Variants in GRM7 observed in about 807,000 individuals in gnomAD.
GRM7 encodes glutamate metabotropic receptor 7, also known as metabotropic glutamate receptor 7.
Under a neutral mutation model 84.5 loss-of-function variants are expected in GRM7, and 35 were observed. The ratio of observed to expected loss-of-function variants is 0.41; its 90% confidence interval spans 0.32 to 0.55. The LOEUF (loss-of-function observed/expected upper bound fraction) is 0.55, where lower values mean the gene tolerates loss of function less well. GRM7 is among the 20% of genes least tolerant of loss of function. The pLI is 0.19. For missense variants in GRM7, 1,003 were observed against 1,194.6 expected (o/e 0.84, Z 2.36); for synonymous variants, 487 against 455.1 (o/e 1.07, Z -0.89).
chr3:7,413,448 A>G (rs1696028356), intron 4 of GRM7, among the ~76,000 whole-genome samples: 1 of 152,212 alleles, frequency 6.6e-6, no homozygotes. Flanking sequence ...TTAGATCCTG[A>G]AAGAATCTGA....
intron 2 of GRM7, among the ~76,000 whole-genome samples, chr3:7,182,087 T>G (rs80164159): frequency 0.028 from 4,224 of 152,282 alleles, 176 homozygotes; most frequent in African/African-American, 0.087. Context: ...CTTGTTCCTC[T>G]TATAACTGTT....
At chr3:7,216,585 C>A (rs1055128419) in intron 2 of GRM7, among the ~76,000 whole-genome samples, 1 of 152,120 alleles carries the variant, frequency 6.6e-6, no homozygotes, top group Non-Finnish European at 1.5e-5. Context: ...AATAACACAT[C>A]TTTTGTGGTC....
intron 2 of GRM7, among the ~76,000 whole-genome samples, chr3:7,161,334 C>T (rs1694617628): frequency 1.3e-5 from 2 of 151,586 alleles, no homozygotes; most frequent in Admixed American, 1.3e-4. Flanking sequence ...TCAAGAAATC[C>T]TTTCCCTTTG....
chr3:7,399,863 G>A (rs963600011), intron 4 of GRM7, among the ~76,000 whole-genome samples: 11 of 152,104 alleles, frequency 7.2e-5, no homozygotes, highest in South Asian at 2.1e-4. Context: ...GCTGTGAGCC[G>A]TGCTTTTTGT....
chr3:7,320,636 C>G (rs1315886980), intron 4 of GRM7, among the ~76,000 whole-genome samples: 3 of 148,950 alleles, frequency 2.0e-5, no homozygotes, highest in African/African-American at 7.5e-5. Flanking sequence ...TGACAAGGTA[C>G]CATATTTTGG....
At chr3:7,412,553 T>A (rs1254641212) in intron 4 of GRM7, among the ~76,000 whole-genome samples, 1 of 152,064 alleles carries the variant, frequency 6.6e-6, no homozygotes, top group East Asian at 1.9e-4. Flanking sequence ...TTTCAAGGGG[T>A]GTTTGAGGGC....
intron 2 of GRM7, among the ~76,000 whole-genome samples, chr3:7,194,542 A>C (rs951961798): frequency 1.3e-5 from 2 of 152,150 alleles, no homozygotes; most frequent in Admixed American, 6.6e-5. Context: ...TAATGTTAAT[A>C]ATTAGAGAGG....
chr3:7,607,132 C>T (rs1442247902), intron 8 of GRM7: 1 of 152,134 alleles, frequency 6.6e-6, no homozygotes, highest in Non-Finnish European at 1.5e-5. Flanking sequence ...ATATGTGGAA[C>T]AAAATGACAC....
At chr3:7,101,886 G>A (rs970468397) in intron 1 of GRM7, among the ~76,000 whole-genome samples, 2 of 149,994 alleles carry the variant, frequency 1.3e-5, no homozygotes, top group Admixed American at 6.7e-5. Context: ...ATGACAATTG[G>A]CATCCTTAAT....
intron 2 of GRM7, among the ~76,000 whole-genome samples, chr3:7,281,835 C>T (rs1699259877): frequency 6.6e-6 from 1 of 152,166 alleles, no homozygotes; most frequent in Admixed American, 6.5e-5. Context: ...AATCCTAGTA[C>T]TTTGGGAGGC....
chr3:7,568,587 G>A (rs897106276), intron 7 of GRM7, among the ~76,000 whole-genome samples: 2 of 152,216 alleles, frequency 1.3e-5, no homozygotes, highest in Non-Finnish European at 2.9e-5. Context: ...AGCTTGCAGG[G>A]AGGTGTGGAG....
chr3:7,720,675 A>G (rs977600182), intron 9 of GRM7, among the ~76,000 whole-genome samples: 2 of 152,228 alleles, frequency 1.3e-5, no homozygotes, highest in South Asian at 4.1e-4. Context: ...ATAGAATTTC[A>G]GAAAAGAAAT....
chr3:7,572,860 A>C, intron 7 of GRM7, among the ~76,000 whole-genome samples: 1 of 47,578 alleles, frequency 2.1e-5, no homozygotes. Flanking sequence ...ATATATATAT[A>C]TATATATATA....
chr3:7,220,093 G>C (rs1324431666), intron 2 of GRM7, among the ~76,000 whole-genome samples: 1 of 152,128 alleles, frequency 6.6e-6, no homozygotes, highest in Non-Finnish European at 1.5e-5. Context: ...ATAAAGGAAA[G>C]CTAGGCAAAT....
At position 7,225,746 on chromosome 3, in the gene GRM7, G is replaced by A. The variant is rs1343692900; in HGVS notation, c.737-72938G>A. On this transcript the variant is annotated intron_variant, in intron 2 of 9. Transcript: ENST00000357716. ...TACAATAGTTTTAATAAATTAATAC[G>A]TATATTTTGTCTCTCAATTACAAGT... Among the ~76,000 whole-genome samples, 7 of 151,828 alleles carry A rather than the reference G, an allele frequency of 4.6e-5. No homozygotes were observed. The South Asian group carries it at 1.0e-3, about 22-fold the overall frequency.
chr3:7,485,551 G>A (rs1699289191), intron 7 of GRM7, among the ~76,000 whole-genome samples: 1 of 152,104 alleles, frequency 6.6e-6, no homozygotes, highest in Non-Finnish European at 1.5e-5. Context: ...TTTGAAATAA[G>A]TTGGAAAAAT....
intron 4 of GRM7, among the ~76,000 whole-genome samples, chr3:7,341,147 G>A (rs1469707656): frequency 3.9e-5 from 6 of 152,220 alleles, no homozygotes; most frequent in African/African-American, 1.2e-4. Context: ...TCATTTACCC[G>A]AAAGATATGA....
chr3:6,945,666 T>A (rs1698050120), intron 1 of GRM7, among the ~76,000 whole-genome samples: 1 of 152,170 alleles, frequency 6.6e-6, no homozygotes, highest in Non-Finnish European at 1.5e-5. Context: ...TGAACTAGTT[T>A]ACAGTCCCAC....
At chr3:6,987,399 C>CAA (rs55694959) in intron 1 of GRM7, among the ~76,000 whole-genome samples, 15,528 of 128,868 alleles carry the variant, frequency 0.12, 844 homozygotes, top group African/African-American at 0.15. Context: ...TGCTGAAGGA[C>CAA]AAAAAAAAAA....
Sources: gnomAD v4.1 joint callset for allele counts (sites outside exome capture counted in the v4.1 genomes callset) on GRCh38, gnomAD v4.1.1 for gene constraint, MANE v1.5 for transcripts, NCBI Gene and HGNC (gene_info 2026-07-23, HGNC 2026-07-21) for gene names.